FBH1: variants seen among roughly 807,000 people sequenced by gnomAD.
FBH1 encodes DNA 3'-5' helicase 1.
Under a neutral mutation model 115.5 loss-of-function variants are expected in FBH1, and 43 were observed. The observed-to-expected ratio is 0.37, with a 90% CI of 0.29 to 0.48. FBH1 has a LOEUF of 0.48. FBH1 is among the 20% of genes least tolerant of loss of function. The probability of loss-of-function intolerance (pLI) is 0.99; values close to 1 mark genes in which losing one functional copy is unlikely to be tolerated. For missense variants in FBH1, 1,001 were observed against 1,337.3 expected (o/e 0.75, Z 3.92); for synonymous variants, 524 against 507.8 (o/e 1.03, Z -0.43).
rs77594102 is a variant in FBH1, at chr10:5,897,931, A to G, written c.2-5089A>G. Among the ~76,000 whole-genome samples the G allele has an allele frequency of 9.8e-3, 1,489 of 152,288 alleles. 65 individuals are homozygous for G. The highest frequency in any genetic ancestry group is 0.085 in the East Asian group (440 of 5,194). On this transcript the variant is annotated intron_variant, in intron 1 of 20. Transcript: ENST00000362091. The surrounding 1 kb of genome is among the most constrained non-coding windows in gnomAD (Gnocchi z 4.7). ...CTATCCTGTTCATATTACCTTTTCC[A>G]AAGCAGTTCCCTTTGGGACTGAACA...
intron 1 of FBH1, among the ~76,000 whole-genome samples, chr10:5,891,421 G>A (rs1344513224): frequency 2.0e-5 from 3 of 152,142 alleles, no homozygotes; most frequent in Non-Finnish European, 2.9e-5. Flanking sequence ...AGTGTAGGGC[G>A]TGCCAAGCAG....
At chr10:5,904,973 A>G (rs997834179) in intron 2 of FBH1, among the ~76,000 whole-genome samples, 1 of 152,220 alleles carries the variant, frequency 6.6e-6, no homozygotes, top group African/African-American at 2.4e-5. Flanking sequence ...GGAACTATGT[A>G]TTATTGATAA....
chr10:5,909,113 G>A lies in FBH1; in HGVS notation c.885-46G>A. The stretch of plus-strand genomic sequence containing the variant: ...TTTGAAGTCTTCCTTGTACATCAGT[G>A]CTTATGGTCACCCTACTCATGGCCT... On this transcript the variant is annotated intron_variant, in intron 4 of 20. Transcript: ENST00000362091. This position sits in a 1 kb window ranked among gnomAD's most constrained non-coding sequence, Gnocchi z 4.4. The A allele has an allele frequency of 6.2e-7, 1 of 1,613,500 alleles. No individual in the cohort carries two copies. The highest frequency in any genetic ancestry group is 8.5e-7 in the Non-Finnish European group (1 of 1,179,840).
rs1564457011 is a variant in FBH1, at chr10:5,923,123, TCCACCTG to T, written c.2323-495_2323-489del. On this transcript the variant is annotated intron_variant, in intron 15 of 20. Transcript: ENST00000362091. The surrounding 1 kb of genome is among the most constrained non-coding windows in gnomAD (Gnocchi z 5.7). ...GTCTTGAACTCCTGGCCTCAAGTGATCCACCTGCCTCAGCCTCCCAAAGTGCTGGGAT... is the reference window on the plus strand; with the variant it reads ...GTCTTGAACTCCTGGCCTCAAGTGATCCTCAGCCTCCCAAAGTGCTGGGAT... Among the ~76,000 whole-genome samples the T allele has an allele frequency of 6.6e-6, 1 of 152,198 alleles. No individual in the cohort carries two copies. The highest frequency in any genetic ancestry group is 1.5e-5 in the Non-Finnish European group (1 of 68,040).
chr10:5,893,751 T>A (rs911971059), intron 1 of FBH1, among the ~76,000 whole-genome samples: 2 of 152,218 alleles, frequency 1.3e-5, no homozygotes, highest in African/African-American at 4.8e-5. Flanking sequence ...ATGGGTAGGC[T>A]TATTCACTTT....
Position 5,921,381 on chromosome 10 carries a change from CT to C in FBH1, c.2200+28del, listed in dbSNP as rs976280229. The C allele has an allele frequency of 6.2e-7, 1 of 1,611,066 alleles. No homozygotes were observed. The highest frequency in any genetic ancestry group is 1.3e-5 in the African/African-American group (1 of 74,518). On this transcript the variant is annotated intron_variant, in intron 14 of 20. Transcript: ENST00000362091. This position sits in a 1 kb window ranked among gnomAD's most constrained non-coding sequence, Gnocchi z 6.4. ...GAGTAAGGCTTTTAGTTACTCTTCTCTTTTGTGTTACAAAAGTTTTCCTCTT... is the reference window on the plus strand; with the variant it reads ...GAGTAAGGCTTTTAGTTACTCTTCTCTTTGTGTTACAAAAGTTTTCCTCTT...
rs972199077 is a variant in FBH1 at position 5,900,324 on chromosome 10, G to A, written c.2-2696G>A. ...CTGATGACACTTATCAGACTTAGAT[G>A]AGATTGGGCGCGTTCAGGGTGGTAT... On this transcript the variant is annotated intron_variant, in intron 1 of 20. Coordinates refer to ENST00000362091, the MANE Select transcript of FBH1 (RefSeq NM_178150.3). This position sits in a 1 kb window ranked among gnomAD's most constrained non-coding sequence, Gnocchi z 4.2. Among the ~76,000 whole-genome samples, 1 of 152,216 alleles carries A rather than the reference G, an allele frequency of 6.6e-6. No individual in the cohort carries two copies. The highest frequency in any genetic ancestry group is 2.4e-5 in the African/African-American group (1 of 41,456).
In FBH1 at chr10:5,909,921, A is replaced by G. The variant is rs1403335170; in HGVS notation, c.1020+627A>G. ...TGGGTCTTCTTTCACAGGATGGTTG[A>G]AGTGAGAGGGGATGGGATGTTCCTT... On this transcript the variant is annotated intron_variant, in intron 5 of 20. Coordinates refer to ENST00000362091, the MANE Select transcript of FBH1 (RefSeq NM_178150.3). The surrounding 1 kb of genome is among the most constrained non-coding windows in gnomAD (Gnocchi z 4.4). Among the ~76,000 whole-genome samples, 3 of 152,182 alleles carry G rather than the reference A, an allele frequency of 2.0e-5. No homozygotes were observed. Among genetic ancestry groups the G allele is most frequent in the Non-Finnish European group, 4.4e-5 (3 of 68,028 alleles).
chr10:5,895,889 A>G lies in FBH1; in HGVS notation c.1+5543A>G, dbSNP rs1842976298. On this transcript the variant is annotated intron_variant, in intron 1 of 20. Coordinates refer to ENST00000362091, the MANE Select transcript of FBH1 (RefSeq NM_178150.3). This position sits in a 1 kb window ranked among gnomAD's most constrained non-coding sequence, Gnocchi z 5.0. ...GGTAAGGCGACATCCACCTGCACGCAGGACTGGGAAGTATAGCCCAGCTGT... is the reference window on the plus strand; with the variant it reads ...GGTAAGGCGACATCCACCTGCACGCGGGACTGGGAAGTATAGCCCAGCTGT... Among the ~76,000 whole-genome samples, 2 of 152,250 alleles carry G rather than the reference A, an allele frequency of 1.3e-5. No homozygotes were observed. The highest frequency in any genetic ancestry group is 1.5e-5 in the Non-Finnish European group (1 of 68,048).
chr10:5,908,233 G>A (rs1476616223), intron 3 of FBH1, among the ~76,000 whole-genome samples: 3 of 152,052 alleles, frequency 2.0e-5, no homozygotes, highest in South Asian at 4.1e-4. Flanking sequence ...ATATCTTCTT[G>A]GTGAATTGAC....
intron 3 of FBH1, among the ~76,000 whole-genome samples, chr10:5,908,322 T>C (rs1398936996): frequency 2.0e-5 from 3 of 152,244 alleles, no homozygotes; most frequent in African/African-American, 7.2e-5. Context: ...TTGTCTGATA[T>C]TAGTATAGCC....
At chr10:5,927,597 G>T in intron 19 of FBH1, 56 bp downstream of exon 19, 1 of 1,398,012 alleles carries the variant, frequency 7.2e-7, no homozygotes, top group Non-Finnish European at 1.0e-6. Context: ...TATTTAGTCT[G>T]CTTGAGGGGC....
chr10:5,929,585 A>G (rs1440649432), intron 19 of FBH1: 1 of 152,254 alleles, frequency 6.6e-6, no homozygotes, highest in Admixed American at 6.5e-5. Flanking sequence ...AGGGCCAGGC[A>G]GTAAAGATTT....
chr10:5,928,072 C>CA (rs1010342333), intron 19 of FBH1, among the ~76,000 whole-genome samples: 2,256 of 23,190 alleles, frequency 0.097, 172 homozygotes, highest in African/African-American at 0.19. Flanking sequence ...GACTCCATCT[C>CA]AAAAAAAAAA....
At chr10:5,892,439 A>G (rs1842787499) in intron 1 of FBH1, among the ~76,000 whole-genome samples, 1 of 152,116 alleles carries the variant, frequency 6.6e-6, no homozygotes, top group Non-Finnish European at 1.5e-5. Context: ...TCATTCCTCT[A>G]TCCCTCCTAG....
In FBH1 at chr10:5,931,884, C is replaced by G. The variant is rs559655380; in HGVS notation, c.2829+4343C>G. ...TGCGCCTGGGCACAGTGGCTCACCC[C>G]TGTAATCCCAGCACTTTGCGGGGCT... is the stretch of plus-strand genomic sequence containing the variant. On this transcript the variant is annotated intron_variant, in intron 19 of 20. Transcript: ENST00000362091. This position sits in a 1 kb window ranked among gnomAD's most constrained non-coding sequence, Gnocchi z 4.3. 2.0e-5 allele frequency among the ~76,000 whole-genome samples: 3 copies of G among 152,334 alleles called. No individual in the cohort carries two copies. The East Asian group carries it at 5.8e-4, about 29-fold the overall frequency.
intron 9 of FBH1, 47 bp from the exon 10 acceptor site, chr10:5,916,187 C>T (rs769910486): frequency 2.6e-6 from 4 of 1,554,480 alleles, no homozygotes; most frequent in South Asian, 2.3e-5. Flanking sequence ...TTCAATAGCA[C>T]CAAGCCAGGA....
rs1457318067 is a variant in FBH1 at position 5,924,276 on chromosome 10, T to C, written c.2399-35T>C. 6.2e-7 allele frequency: 1 copy of C among 1,605,612 alleles called. No homozygotes were observed. The highest frequency in any genetic ancestry group is 8.5e-7 in the Non-Finnish European group (1 of 1,172,718). ...CCTGCCACCATCTGTTAGTGGAGCT[T>C]GTGTCACCTTAATTTGTGTGTATAT... On this transcript the variant is annotated intron_variant, in intron 16 of 20. Coordinates refer to ENST00000362091, the MANE Select transcript of FBH1 (RefSeq NM_178150.3). The surrounding 1 kb of genome is among the most constrained non-coding windows in gnomAD (Gnocchi z 6.2).
chr10:5,894,368 A>G lies in FBH1; in HGVS notation c.1+4022A>G, dbSNP rs184207621. The G allele has an allele frequency of 2.5e-6, 4 of 1,579,044 alleles. No homozygotes were observed. The African/African-American group carries it at 4.1e-5, about 16-fold the overall frequency. On this transcript the variant is annotated intron_variant, in intron 1 of 20. Transcript: ENST00000362091. Reference sequence around the variant, plus strand: ...TAAAAAAATGTAATATGGAAATTAAACTTGAGGTTTTCAGAAGCTGCTTTC... The same window carrying G: ...TAAAAAAATGTAATATGGAAATTAAGCTTGAGGTTTTCAGAAGCTGCTTTC...
Sources: allele counts gnomAD v4.1 joint callset (sites outside exome capture counted in the v4.1 genomes callset), GRCh38; gene constraint gnomAD v4.1.1; non-coding constraint Gnocchi (gnomAD v3.1); transcripts MANE v1.5; gene names NCBI Gene and HGNC (gene_info 2026-07-23, HGNC 2026-07-21).